Variants in SIL1 observed in about 807,000 individuals in gnomAD.
SIL1 encodes nucleotide exchange factor SIL1.
SIL1 carries 40 observed loss-of-function variants against 49.1 expected under a neutral mutation model. That is an observed-to-expected ratio of 0.81 (90% CI 0.63 to 1.06). The LOEUF (loss-of-function observed/expected upper bound fraction) is 1.06, where lower values mean the gene tolerates loss of function less well. SIL1 is among the 50% of genes least tolerant of loss of function. SIL1 has a pLI of 0.00. For synonymous variants in SIL1, 253 were observed against 250.8 expected (o/e 1.01, Z -0.08); for missense variants, 500 against 572.6 (o/e 0.87, Z 1.29).
chr5:139,086,727 G>A (rs1235399288), intron 3 of SIL1, among the ~76,000 whole-genome samples: 1 of 151,756 alleles, frequency 6.6e-6, no homozygotes, highest in Admixed American at 6.6e-5. Context: ...TTCTTTGGGG[G>A]CTGAGGTGGA....
Position 139,196,716 on chromosome 5 carries a change from T to C in SIL1, c.-11+1553A>G, listed in dbSNP as rs1397248891. Among the ~76,000 whole-genome samples, 4 of 151,868 alleles carry C rather than the reference T, an allele frequency of 2.6e-5. No individual in the cohort carries two copies. In the East Asian group the frequency reaches 7.7e-4, roughly 29 times the overall value. On this transcript the variant is annotated intron_variant, in intron 1 of 9. Transcript: ENST00000394817. The stretch of plus-strand genomic sequence containing the variant: ...GAGCAGATTAAATTCACTAAACAAA[T>C]GAAAGAAAGGGGAAATAAATGTGGT...
At chr5:139,145,689 A>G (rs1751183556) in intron 1 of SIL1, among the ~76,000 whole-genome samples, 1 of 141,562 alleles carries the variant, frequency 7.1e-6, no homozygotes, top group South Asian at 2.3e-4. Context: ...TGTATTTCCA[A>G]TGGAATATTA....
At chr5:138,969,213 G>A (rs1308298258) in intron 7 of SIL1, among the ~76,000 whole-genome samples, 2 of 152,174 alleles carry the variant, frequency 1.3e-5, no homozygotes, top group African/African-American at 4.8e-5. Context: ...AGTAGGTAAT[G>A]CCCACCTCTG....
chr5:139,131,971 G>T (rs1462539126), intron 1 of SIL1, among the ~76,000 whole-genome samples: 1 of 152,080 alleles, frequency 6.6e-6, no homozygotes, highest in Non-Finnish European at 1.5e-5. Flanking sequence ...AGCATTATCA[G>T]GACAACATAC....
At chr5:138,978,009 C>A (rs538550827) in intron 7 of SIL1, among the ~76,000 whole-genome samples, 168 of 152,306 alleles carry the variant, frequency 1.1e-3, no homozygotes, top group African/African-American at 3.6e-3. Flanking sequence ...ATCTAAAGAA[C>A]CTTATATCAT....
chr5:139,194,551 G>A (rs567507271), intron 1 of SIL1, among the ~76,000 whole-genome samples: 7 of 152,332 alleles, frequency 4.6e-5, no homozygotes, highest in Admixed American at 2.0e-4. Flanking sequence ...CTCAGAAAAG[G>A]ATAAAGTATT....
At chr5:139,114,015 T>A (rs1406985021) in intron 3 of SIL1, among the ~76,000 whole-genome samples, 1 of 152,164 alleles carries the variant, frequency 6.6e-6, no homozygotes, top group Non-Finnish European at 1.5e-5. Flanking sequence ...TCAGGGTGCA[T>A]GTTAAGCATA....
At chr5:139,131,821 G>C (rs918091873) in intron 1 of SIL1, 2 of 152,766 alleles carry the variant, frequency 1.3e-5, no homozygotes, top group Admixed American at 1.3e-4. Flanking sequence ...CAACAGGAGG[G>C]AGAAGGCTAG....
At chr5:139,015,568 G>A (rs111750494) in intron 7 of SIL1, among the ~76,000 whole-genome samples, 79 of 152,218 alleles carry the variant, frequency 5.2e-4, no homozygotes, top group African/African-American at 1.8e-3. Flanking sequence ...CCTGTCTTTC[G>A]CCTCTATTAT....
intron 1 of SIL1, among the ~76,000 whole-genome samples, chr5:139,146,254 T>G (rs1321579643): frequency 1.3e-5 from 2 of 152,170 alleles, no homozygotes; most frequent in African/African-American, 4.8e-5. Context: ...ATTATATTGC[T>G]CTCTTCTAAA....
At chr5:139,046,322 G>A (rs555905908) in intron 4 of SIL1, among the ~76,000 whole-genome samples, 39 of 136,740 alleles carry the variant, frequency 2.9e-4, no homozygotes, top group South Asian at 2.1e-3. Context: ...GCAAGACACC[G>A]TCTTATGGGG....
intron 1 of SIL1, among the ~76,000 whole-genome samples, chr5:139,147,621 T>C (rs1028166804): frequency 6.6e-6 from 1 of 152,170 alleles, no homozygotes; most frequent in African/African-American, 2.4e-5. Context: ...AGCTGTAAAT[T>C]ATGTGTTCTC....
At chr5:138,950,888 T>TG (rs1256404644) in intron 9 of SIL1, among the ~76,000 whole-genome samples, 1 of 152,206 alleles carries the variant, frequency 6.6e-6, no homozygotes, top group Non-Finnish European at 1.5e-5. Context: ...GCTCCAAGGC[T>TG]TGCCTCATAC....
chr5:139,090,487 A>C (rs1208854708), intron 3 of SIL1, among the ~76,000 whole-genome samples: 7 of 152,334 alleles, frequency 4.6e-5, no homozygotes, highest in African/African-American at 1.4e-4. Flanking sequence ...TCTACAATTA[A>C]AATGGTTTGA....
intron 6 of SIL1, among the ~76,000 whole-genome samples, chr5:139,023,569 A>G (rs569742832): frequency 2.0e-5 from 3 of 152,370 alleles, no homozygotes; most frequent in South Asian, 2.1e-4. Context: ...GTTTCCACAC[A>G]CAAGGTTTTG....
chr5:139,073,757 C>T (rs1769884447), intron 3 of SIL1, among the ~76,000 whole-genome samples: 1 of 151,940 alleles, frequency 6.6e-6, no homozygotes, highest in Non-Finnish European at 1.5e-5. Flanking sequence ...GCCTGGCCAA[C>T]ATGGTAAAAA....
intron 1 of SIL1, among the ~76,000 whole-genome samples, chr5:139,158,836 C>G (rs768313373): frequency 2.0e-5 from 3 of 152,170 alleles, no homozygotes; most frequent in Non-Finnish European, 4.4e-5. Flanking sequence ...TCCAAATTAG[C>G]TTTCTTTGCT....
intron 1 of SIL1, among the ~76,000 whole-genome samples, chr5:139,158,814 A>G (rs1321133094): frequency 3.9e-5 from 6 of 152,234 alleles, no homozygotes; most frequent in Non-Finnish European, 2.9e-5. Context: ...AAGCTTCTTA[A>G]GATATTCTGG....
intron 7 of SIL1, among the ~76,000 whole-genome samples, chr5:138,964,840 C>G (rs1471563508): frequency 6.6e-6 from 1 of 152,230 alleles, no homozygotes. Context: ...GACATATGCA[C>G]AGCAGTTTTC....
Sources: allele counts gnomAD v4.1 joint callset (sites outside exome capture counted in the v4.1 genomes callset), GRCh38; gene constraint gnomAD v4.1.1; transcripts MANE v1.5; gene names NCBI Gene and HGNC (gene_info 2026-07-23, HGNC 2026-07-21).